Variants in VWA8 observed in about 807,000 individuals in gnomAD.
The protein encoded by VWA8 is von Willebrand factor A domain-containing protein 8.
In VWA8, 221 loss-of-function variants were observed where a neutral mutation model predicts 241.5. That is an observed-to-expected ratio of 0.91 (90% CI 0.82 to 1.02). The LOEUF is 1.02. Among genes scored for constraint, VWA8 ranks in the 50% least tolerant of loss-of-function variants. The pLI, the probability that VWA8 is intolerant of heterozygous loss-of-function variation, is 0.00. For synonymous variants in VWA8, 852 were observed against 827.1 expected (o/e 1.03, Z -0.52); for missense variants, 2,322 against 2,328.7 (o/e 1.00, Z 0.06).
At chr13:41,748,829 C>T (rs889564132) in intron 21 of VWA8, among the ~76,000 whole-genome samples, 1 of 152,106 alleles carries the variant, frequency 6.6e-6, no homozygotes, top group African/African-American at 2.4e-5. Context: ...AAACTGGATC[C>T]CTTCCTTACA....
intron 20 of VWA8, among the ~76,000 whole-genome samples, chr13:41,764,639 G>A (rs1475660086): frequency 6.6e-6 from 1 of 152,120 alleles, no homozygotes; most frequent in African/African-American, 2.4e-5. Flanking sequence ...AGAAAGGGGA[G>A]TGATACAGGT....
chr13:41,796,354 T>TTA (rs987432198), intron 17 of VWA8, among the ~76,000 whole-genome samples: 11 of 152,336 alleles, frequency 7.2e-5, no homozygotes, highest in African/African-American at 2.6e-4. Context: ...TGAAATTTTT[T>TTA]AACTACCAAC....
intron 2 of VWA8, among the ~76,000 whole-genome samples, chr13:41,931,279 T>TAAAA (rs67470859): frequency 3.3e-5 from 3 of 90,330 alleles, no homozygotes; most frequent in African/African-American, 1.3e-4. Flanking sequence ...GACCCAGGGT[T>TAAAA]AAAAAAAAAA....
intron 21 of VWA8, among the ~76,000 whole-genome samples, chr13:41,743,626 G>A (rs537731066): frequency 6.6e-6 from 1 of 152,126 alleles, no homozygotes; most frequent in East Asian, 1.9e-4. Context: ...AAACATATCA[G>A]CGTTTGAGTT....
At chr13:41,841,823 AT>A (rs1566478144) in intron 12 of VWA8, among the ~76,000 whole-genome samples, 2 of 17,018 alleles carry the variant, frequency 1.2e-4, no homozygotes, top group African/African-American at 3.6e-4. Context: ...AAAAAAAAAT[AT>A]ATATATATAT....
chr13:41,620,277 C>G (rs964877901), intron 37 of VWA8, among the ~76,000 whole-genome samples: 3 of 152,168 alleles, frequency 2.0e-5, no homozygotes, highest in African/African-American at 7.2e-5. Flanking sequence ...ACAGTATGCT[C>G]TGATGGTAGT....
At chr13:41,622,103 C>T (rs185965392) in intron 37 of VWA8, among the ~76,000 whole-genome samples, 1 of 152,320 alleles carries the variant, frequency 6.6e-6, no homozygotes, top group East Asian at 1.9e-4. Context: ...ATGCCACTCA[C>T]TCACTCACAG....
chr13:41,873,421 A>T (rs1873737404), intron 9 of VWA8, among the ~76,000 whole-genome samples: 1 of 152,186 alleles, frequency 6.6e-6, no homozygotes, highest in South Asian at 2.1e-4. Flanking sequence ...GATCAACAAA[A>T]TTGACAGACC....
intron 17 of VWA8, among the ~76,000 whole-genome samples, chr13:41,803,566 C>T (rs919339621): frequency 6.6e-6 from 1 of 152,082 alleles, no homozygotes; most frequent in African/African-American, 2.4e-5. Context: ...TTTATAAAAC[C>T]ACCAGTTCTC....
At chr13:41,862,597 C>T (rs929705884) in intron 12 of VWA8, among the ~76,000 whole-genome samples, 2 of 151,968 alleles carry the variant, frequency 1.3e-5, no homozygotes, top group Middle Eastern at 3.2e-3. Flanking sequence ...AAAAAACAAC[C>T]CCACTTAAAA....
intron 26 of VWA8, among the ~76,000 whole-genome samples, chr13:41,712,121 G>C (rs766931007): frequency 7.9e-5 from 12 of 152,112 alleles, no homozygotes; most frequent in Non-Finnish European, 1.6e-4. Context: ...CTTATGAAGA[G>C]AGGTTGGTTG....
intron 10 of VWA8, among the ~76,000 whole-genome samples, chr13:41,866,355 A>AT (rs1271691133): frequency 2.7e-5 from 4 of 149,182 alleles, no homozygotes; most frequent in Non-Finnish European, 4.4e-5. Context: ...TCCCAAAAAA[A>AT]AAAATATATA....
At chr13:41,602,299 T>C (rs1217896240) in intron 40 of VWA8, among the ~76,000 whole-genome samples, 1 of 152,120 alleles carries the variant, frequency 6.6e-6, no homozygotes, top group Non-Finnish European at 1.5e-5. Flanking sequence ...ATGCTTTTTA[T>C]GGAATTGTTG....
Position 41,701,542 on chromosome 13 carries a change from C to T in VWA8, c.3226-12G>A, listed in dbSNP as rs2045249949. On this transcript the variant is annotated splice_polypyrimidine_tract_variant and intron_variant, in intron 27 of 44. Transcript: ENST00000379310. The stretch of plus-strand genomic sequence containing the variant: ...ATAAGTGCTGGACCCTATAATAAAG[C>T]AGTTATCTCAGTTAAGATATTTTGG... 2 of 1,524,468 alleles carry T rather than the reference C, an allele frequency of 1.3e-6. No homozygotes were observed. Among genetic ancestry groups the T allele is most frequent in the African/African-American group, 1.4e-5 (1 of 70,588 alleles). 94.4% of individuals were successfully genotyped at this position (1,524,468 alleles called of 1,614,324 possible).
At chr13:41,949,851 TTCTC>T (rs2138164151) in intron 2 of VWA8, 81 bp downstream of exon 2, 1 of 781,178 alleles carries the variant, frequency 1.3e-6, no homozygotes, top group Non-Finnish European at 2.0e-6. Context: ...GTTTATACTA[TTCTC>T]TCTAGCTTTA....
chr13:41,755,972 T>C (rs1371848923), intron 21 of VWA8, among the ~76,000 whole-genome samples: 1 of 151,682 alleles, frequency 6.6e-6, no homozygotes, highest in Admixed American at 6.6e-5. Context: ...ATAATAAAGA[T>C]TAAAATCAGA....
intron 39 of VWA8, among the ~76,000 whole-genome samples, chr13:41,606,628 T>C (rs2044555317): frequency 6.6e-6 from 1 of 152,196 alleles, no homozygotes; most frequent in Admixed American, 6.5e-5. Context: ...TTTATCACCT[T>C]GAGCTAAAAC....
chr13:41,845,576 C>T (rs1872254364), intron 12 of VWA8, among the ~76,000 whole-genome samples: 1 of 151,772 alleles, frequency 6.6e-6, no homozygotes. Context: ...AGATGCACAT[C>T]AATGGTGAAT....
chr13:41,787,634 ACACT>A, intron 17 of VWA8, 91 bp from the exon 18 acceptor site: 1 of 782,556 alleles, frequency 1.3e-6, no homozygotes, highest in Non-Finnish European at 2.2e-6. Flanking sequence ...ACACACACAC[ACACT>A]CCTTACTAAT....
Sources: allele counts gnomAD v4.1 joint callset (sites outside exome capture counted in the v4.1 genomes callset), GRCh38; gene constraint gnomAD v4.1.1; transcripts MANE v1.5; gene names NCBI Gene and HGNC (gene_info 2026-07-23, HGNC 2026-07-21).